The following AFG2A variants were observed in gnomAD, a reference collection of about 807,000 sequenced individuals.
The protein encoded by AFG2A is ATPase family gene 2 protein homolog A.
At chr4:123,216,083 G>A in the AFG2A span, among the ~76,000 whole-genome samples, 2 of 152,076 alleles carry the variant, frequency 1.3e-5, no homozygotes, top group African/African-American at 4.8e-5. Flanking sequence ...TGGTAATTAA[G>A]TATTATAGAC....
the AFG2A span, among the ~76,000 whole-genome samples, chr4:123,020,180 T>TACAAAC: frequency 5.9e-5 from 9 of 151,808 alleles, no homozygotes; most frequent in Admixed American, 4.6e-4. Flanking sequence ...TATATATACA[T>TACAAAC]ACAAACACAA....
the AFG2A span, among the ~76,000 whole-genome samples, chr4:123,100,377 T>C: frequency 6.6e-6 from 1 of 151,966 alleles, no homozygotes; most frequent in African/African-American, 2.4e-5. Flanking sequence ...CCTTTATTTT[T>C]TAAAACTGTT....
chr4:122,935,472 GTT>G, the AFG2A span, among the ~76,000 whole-genome samples: 6 of 142,548 alleles, frequency 4.2e-5, no homozygotes, highest in Admixed American at 1.4e-4. Flanking sequence ...TGGGTGTCCA[GTT>G]TTTTTTTTTT....
At chr4:123,299,758 C>A in the AFG2A span, among the ~76,000 whole-genome samples, 2 of 152,066 alleles carry the variant, frequency 1.3e-5, no homozygotes, top group Non-Finnish European at 2.9e-5. Flanking sequence ...TGTACATACT[C>A]AAATTTACTC....
the AFG2A span, among the ~76,000 whole-genome samples, chr4:123,100,287 C>G: frequency 8.8e-4 from 133 of 151,962 alleles, no homozygotes; most frequent in African/African-American, 3.1e-3. Context: ...TGTTTGTCTC[C>G]CTAAACCCTC....
At chr4:123,131,717 A>G in the AFG2A span, among the ~76,000 whole-genome samples, 5 of 152,274 alleles carry the variant, frequency 3.3e-5, no homozygotes, top group Non-Finnish European at 7.4e-5. Flanking sequence ...CTTGTTATCC[A>G]TTCATCTGTA....
At chr4:122,999,536 G>C in the AFG2A span, among the ~76,000 whole-genome samples, 1 of 152,136 alleles carries the variant, frequency 6.6e-6, no homozygotes, top group Non-Finnish European at 1.5e-5. Flanking sequence ...TGGCTAGCCA[G>C]TTTTTCCAGC....
At chr4:122,960,647 A>G in the AFG2A span, among the ~76,000 whole-genome samples, 39 of 152,334 alleles carry the variant, frequency 2.6e-4, no homozygotes, top group African/African-American at 8.7e-4. Context: ...AGGAAGAATT[A>G]AAACTCATAT....
the AFG2A span, among the ~76,000 whole-genome samples, chr4:123,279,810 A>G: frequency 1.3e-5 from 2 of 152,344 alleles, no homozygotes; most frequent in Non-Finnish European, 2.9e-5. Context: ...TAGATCATCA[A>G]TAAGTAGAAC....
At chr4:122,942,229 T>C in the AFG2A span, among the ~76,000 whole-genome samples, 2 of 147,928 alleles carry the variant, frequency 1.4e-5, no homozygotes, top group Non-Finnish European at 3.0e-5. Flanking sequence ...TCCTTGTACC[T>C]CTGGTAGAAT....
At chr4:123,116,694 A>G in the AFG2A span, among the ~76,000 whole-genome samples, 6 of 152,358 alleles carry the variant, frequency 3.9e-5, no homozygotes, top group Non-Finnish European at 8.8e-5. Context: ...TTGAATTACT[A>G]ATAAGAGATA....
At chr4:122,957,133 T>C in the AFG2A span, among the ~76,000 whole-genome samples, 1 of 151,798 alleles carries the variant, frequency 6.6e-6, no homozygotes, top group Non-Finnish European at 1.5e-5. Context: ...AAAAGAAGGA[T>C]AGGAAGAATT....
At chr4:122,974,243 C>A in the AFG2A span, among the ~76,000 whole-genome samples, 1 of 139,072 alleles carries the variant, frequency 7.2e-6, no homozygotes, top group East Asian at 2.1e-4. Context: ...CATTTAGTGT[C>A]AGATTTTATG....
At chr4:123,020,599 C>A in the AFG2A span, among the ~76,000 whole-genome samples, 2 of 151,676 alleles carry the variant, frequency 1.3e-5, no homozygotes, top group Non-Finnish European at 2.9e-5. Flanking sequence ...GAACTCCTGA[C>A]CTGTGTGTGT....
At chr4:123,183,465 A>G in the AFG2A span, among the ~76,000 whole-genome samples, 1 of 152,296 alleles carries the variant, frequency 6.6e-6, no homozygotes, top group African/African-American at 2.4e-5. Context: ...CGTGAATAAA[A>G]GTTTATTTCA....
the AFG2A span, among the ~76,000 whole-genome samples, chr4:123,148,279 G>A: frequency 2.6e-5 from 4 of 152,088 alleles, no homozygotes; most frequent in African/African-American, 7.2e-5. Context: ...TAAGAGCTAC[G>A]TGTGCATAAT....
At chr4:123,148,128 G>A in the AFG2A span, among the ~76,000 whole-genome samples, 1 of 152,140 alleles carries the variant, frequency 6.6e-6, no homozygotes, top group Non-Finnish European at 1.5e-5. Flanking sequence ...AAGAGTTGAT[G>A]TAAAGGTCTT....
chr4:123,306,201 C>T, the AFG2A span, among the ~76,000 whole-genome samples: 1 of 152,170 alleles, frequency 6.6e-6, no homozygotes, highest in African/African-American at 2.4e-5. Context: ...GATTTCTAAA[C>T]ATTTTTGTTA....
chr4:123,026,466 A>G, the AFG2A span, among the ~76,000 whole-genome samples: 1 of 152,220 alleles, frequency 6.6e-6, no homozygotes, highest in Non-Finnish European at 1.5e-5. Context: ...TTGCAAAAAA[A>G]TCTCATAATA....
Sources: gnomAD v4.1 joint callset for allele counts (sites outside exome capture counted in the v4.1 genomes callset) on GRCh38, gnomAD v4.1.1 for gene constraint, MANE v1.5 for transcripts, NCBI Gene and HGNC (gene_info 2026-07-23, HGNC 2026-07-21) for gene names.